The following BRINP1 variants were observed in gnomAD, a reference collection of about 807,000 sequenced individuals.
BRINP1 encodes the protein BMP/retinoic acid inducible neural specific 1, also known as BMP/retinoic acid-inducible neural-specific protein 1.
A neutral mutation model predicts 72.9 loss-of-function variants in BRINP1; 17 were observed. The ratio of observed to expected loss-of-function variants is 0.23; its 90% CI spans 0.16 to 0.35. The LOEUF (loss-of-function observed/expected upper bound fraction) is 0.35, where lower values mean the gene tolerates loss of function less well. BRINP1 is among the 10% of genes least tolerant of loss of function. BRINP1 has a pLI of 1.00. For missense variants in BRINP1, 850 were observed against 1,001.6 expected (o/e 0.85, Z 2.04); for synonymous variants, 418 against 378.5 (o/e 1.10, Z -1.21).
intron 2 of BRINP1, among the ~76,000 whole-genome samples, chr9:119,301,146 TC>T (rs1169758049): frequency 1.3e-5 from 2 of 152,342 alleles, no homozygotes; most frequent in Admixed American, 1.3e-4. Context: ...TTCAACATTT[TC>T]AAAGCTGGCT....
At chr9:119,289,578 T>C (rs751814497) in intron 2 of BRINP1, among the ~76,000 whole-genome samples, 13 of 152,192 alleles carry the variant, frequency 8.5e-5, no homozygotes, top group East Asian at 1.9e-4. Context: ...TCACTTGATA[T>C]GCAGAAAGTG....
intron 1 of BRINP1, among the ~76,000 whole-genome samples, chr9:119,337,722 G>A (rs562576062): frequency 1.3e-5 from 2 of 152,222 alleles, no homozygotes; most frequent in African/African-American, 4.8e-5. Context: ...CAGATACAGA[G>A]CAGTTCCTCT....
chr9:119,254,951 G>T (rs145347460), intron 2 of BRINP1, among the ~76,000 whole-genome samples: 1 of 152,278 alleles, frequency 6.6e-6, no homozygotes, highest in Non-Finnish European at 1.5e-5. Context: ...CCACTGATGG[G>T]AAAATTGAAT....
intron 2 of BRINP1, chr9:119,283,238 G>T (rs1003623789): frequency 2.1e-6 from 2 of 943,876 alleles, no homozygotes; most frequent in Non-Finnish European, 2.5e-6. Context: ...TGGAACTGCA[G>T]CTTCAGCTGC....
intron 7 of BRINP1, among the ~76,000 whole-genome samples, chr9:119,183,058 G>C (rs1373397668): frequency 1.3e-5 from 2 of 152,156 alleles, no homozygotes; most frequent in Non-Finnish European, 2.9e-5. Flanking sequence ...AACTCTCCTA[G>C]GCTACTGCTA....
rs1357947860 is a variant in BRINP1 at position 119,167,422 on chromosome 9, T to C, written c.1948A>G (p.Ile650Val). ...LSDPSKRQFY[I>V]KISDVQVFGY... ...AACACCTGCACGTCTGAGATCTTGA[T>C]GTAGAACTGCCTCTTGGAGGGATCC... Residue 650 changes from isoleucine to valine, a missense_variant, in exon 8 of 8, where the codon ATC (isoleucine) becomes GTC (valine). By Grantham distance (29) the Ile-to-Val change is conservative. Transcript: ENST00000265922. The surrounding 1 kb of genome is among the most constrained non-coding windows in gnomAD (Gnocchi z 4.3). 2 of 1,613,876 alleles carry C rather than the reference T, an allele frequency of 1.2e-6. No individual in the cohort carries two copies. The highest frequency in any genetic ancestry group is 1.3e-5 in the African/African-American group (1 of 74,904).
chr9:119,344,353 A>G (rs1038701665), intron 1 of BRINP1, among the ~76,000 whole-genome samples: 1 of 152,220 alleles, frequency 6.6e-6, no homozygotes, highest in African/African-American at 2.4e-5. Flanking sequence ...CACATAGTCT[A>G]GCACTCTCAT....
At chr9:119,324,032 G>A (rs1564248335) in intron 1 of BRINP1, among the ~76,000 whole-genome samples, 1 of 152,138 alleles carries the variant, frequency 6.6e-6, no homozygotes, top group Non-Finnish European at 1.5e-5. Flanking sequence ...CAAGAGTTAA[G>A]TCTAAAAAGT....
intron 2 of BRINP1, among the ~76,000 whole-genome samples, chr9:119,295,644 A>G (rs1018878058): frequency 6.7e-6 from 1 of 150,224 alleles, no homozygotes; most frequent in Non-Finnish European, 1.5e-5. Flanking sequence ...ACTGCATTAC[A>G]AAGCTACAGT....
intron 7 of BRINP1, among the ~76,000 whole-genome samples, chr9:119,170,452 G>A (rs111276527): frequency 6.6e-6 from 1 of 150,936 alleles, no homozygotes; most frequent in Admixed American, 6.6e-5. Context: ...AAAGAAATGA[G>A]CAAAGCCTCC....
Position 119,369,101 on chromosome 9 carries a change from T to G in BRINP1, c.-96A>C, listed in dbSNP as rs1831727375. 1 of 397,272 alleles carries G rather than the reference T, an allele frequency of 2.5e-6. No homozygotes were observed. The highest frequency in any genetic ancestry group is 4.4e-6 in the Non-Finnish European group (1 of 225,476). The allele number at this position is 397,272 out of a possible 1,614,324, so 24.6% of individuals were successfully genotyped here. A position where few individuals can be genotyped will look rare whatever the true frequency, so the allele number is the denominator to read the frequency against. On this transcript the variant is annotated 5_prime_UTR_variant, in exon 1 of 8. Transcript: ENST00000265922. ...TGGCGGAGAGCTGCGGGAGGACGCT[T>G]TTTATTCGGCTCGGTGGGAACTTGG...
chr9:119,231,161 G>GA (rs1399874042), intron 5 of BRINP1, among the ~76,000 whole-genome samples: 1 of 151,944 alleles, frequency 6.6e-6, no homozygotes, highest in East Asian at 1.9e-4. Flanking sequence ...ATTAAAATCT[G>GA]AAAAATCATA....
At chr9:119,315,657 C>A (rs1281006839) in intron 1 of BRINP1, among the ~76,000 whole-genome samples, 1 of 152,180 alleles carries the variant, frequency 6.6e-6, no homozygotes, top group Non-Finnish European at 1.5e-5. Flanking sequence ...GCAAGATAGG[C>A]TGGAAGCTAG....
At chr9:119,237,479 C>A (rs1830203592) in intron 5 of BRINP1, among the ~76,000 whole-genome samples, 1 of 151,744 alleles carries the variant, frequency 6.6e-6, no homozygotes. Context: ...TCTCCCACCT[C>A]AGCTTCCCGA....
rs1564206649 is a variant in BRINP1 at position 119,166,944 on chromosome 9, C to A, written c.*140G>T. The A allele has an allele frequency of 3.2e-6, 3 of 943,644 alleles. No homozygotes were observed. The allele number at this position is 943,644 out of a possible 1,614,324, so 58.5% of individuals were successfully genotyped here. On this transcript the variant is annotated 3_prime_UTR_variant, in exon 8 of 8. Transcript: ENST00000265922. ...GTTGCTAGAACGTTTTCATTTCCAA[C>A]AAATGAAGATTTTCCTCCTTTTCTT... is the stretch of plus-strand genomic sequence containing the variant.
chr9:119,209,259 A>G (rs960815875), intron 6 of BRINP1, among the ~76,000 whole-genome samples: 1 of 152,174 alleles, frequency 6.6e-6, no homozygotes, highest in African/African-American at 2.4e-5. Flanking sequence ...TTTGAATCAA[A>G]TCATTGTTTT....
intron 2 of BRINP1, among the ~76,000 whole-genome samples, chr9:119,266,357 G>T (rs1222839060): frequency 6.6e-6 from 1 of 152,152 alleles, no homozygotes; most frequent in East Asian, 1.9e-4. Context: ...ACACCACGAT[G>T]AAGACTTTAC....
chr9:119,307,325 T>A (rs1831008318), intron 2 of BRINP1, among the ~76,000 whole-genome samples: 1 of 152,196 alleles, frequency 6.6e-6, no homozygotes, highest in African/African-American at 2.4e-5. Context: ...CAAGCATTAG[T>A]ATTTTTAACT....
chr9:119,196,780 T>G (rs1011953333), intron 7 of BRINP1, among the ~76,000 whole-genome samples: 1 of 152,222 alleles, frequency 6.6e-6, no homozygotes, highest in Non-Finnish European at 1.5e-5. Flanking sequence ...AGTCCTCTGG[T>G]TCCAAAGCCC....
Sources: allele counts gnomAD v4.1 joint callset (sites outside exome capture counted in the v4.1 genomes callset), GRCh38; gene constraint gnomAD v4.1.1; non-coding constraint Gnocchi (gnomAD v3.1); transcripts MANE v1.5; gene names NCBI Gene and HGNC (gene_info 2026-07-23, HGNC 2026-07-21).